The following PARM1 variants were observed in gnomAD, a reference collection of about 807,000 sequenced individuals.
PARM1 encodes prostate androgen-regulated mucin-like protein 1, also known as WSC4, cell wall integrity and stress response component 4 homolog.
In PARM1, 14 loss-of-function variants were observed where a neutral mutation model predicts 24.6. The ratio of observed to expected loss-of-function variants is 0.57; its 90% confidence interval spans 0.38 to 0.89. The LOEUF is 0.89. Ranked by LOEUF, PARM1 falls within the 40% of genes least tolerant of loss-of-function variation. The pLI is 0.00. For synonymous variants in PARM1, 179 were observed against 156.6 expected, an observed-to-expected ratio of 1.14 and a Z score of -1.07; for missense variants, 362 against 380.4, an observed-to-expected ratio of 0.95 and a Z score of 0.40.
At chr4:75,036,128 C>A (rs1723365749) in intron 3 of PARM1, among the ~76,000 whole-genome samples, 1 of 152,176 alleles carries the variant, frequency 6.6e-6, no homozygotes, top group South Asian at 2.1e-4. Context: ...ATTTTAGAAT[C>A]ACCAATGATG....
intron 2 of PARM1, among the ~76,000 whole-genome samples, chr4:75,017,179 A>G (rs551106140): frequency 1.3e-5 from 2 of 152,224 alleles, no homozygotes; most frequent in East Asian, 1.9e-4. Context: ...TGATCTCACT[A>G]TTCACTGCAC....
At chr4:74,971,295 G>C (rs1396302104) in intron 1 of PARM1, among the ~76,000 whole-genome samples, 2 of 152,122 alleles carry the variant, frequency 1.3e-5, no homozygotes, top group Admixed American at 6.6e-5. Context: ...ATGAGATCTT[G>C]TGAGATTTAT....
intron 1 of PARM1, among the ~76,000 whole-genome samples, chr4:74,950,959 C>T (rs895717600): frequency 1.3e-5 from 2 of 151,884 alleles, no homozygotes; most frequent in East Asian, 1.9e-4. Flanking sequence ...AGAAAAGGAA[C>T]GGAGGAAAGG....
At chr4:75,006,595 A>G (rs1722774079) in intron 1 of PARM1, among the ~76,000 whole-genome samples, 1 of 152,176 alleles carries the variant, frequency 6.6e-6, no homozygotes, top group Admixed American at 6.5e-5. Flanking sequence ...TAGTGCCACA[A>G]TAAATATACA....
At chr4:75,002,250 G>A (rs1560788612) in intron 1 of PARM1, among the ~76,000 whole-genome samples, 1 of 152,160 alleles carries the variant, frequency 6.6e-6, no homozygotes, top group Admixed American at 6.5e-5. Flanking sequence ...GAAGGAAGAG[G>A]TTCCAAATCA....
chr4:74,948,715 C>A (rs1319761064), intron 1 of PARM1, among the ~76,000 whole-genome samples: 1 of 152,144 alleles, frequency 6.6e-6, no homozygotes, highest in East Asian at 1.9e-4. Flanking sequence ...TACACATCAG[C>A]AAATGAAATT....
At chr4:75,035,592 T>C (rs1723354429) in intron 3 of PARM1, among the ~76,000 whole-genome samples, 1 of 152,080 alleles carries the variant, frequency 6.6e-6, no homozygotes, top group Non-Finnish European at 1.5e-5. Context: ...TCATCCCCAC[T>C]CGCCACCCAG....
At chr4:75,006,043 T>C (rs1034901786) in intron 1 of PARM1, among the ~76,000 whole-genome samples, 4 of 152,228 alleles carry the variant, frequency 2.6e-5, no homozygotes, top group African/African-American at 9.6e-5. Flanking sequence ...TGGGTTCAGT[T>C]TCTTCATCAT....
chr4:74,988,449 G>T (rs1008781576), intron 1 of PARM1, among the ~76,000 whole-genome samples: 1 of 152,190 alleles, frequency 6.6e-6, no homozygotes. Flanking sequence ...ATATGGGAGA[G>T]AAGATGATTA....
chr4:74,990,450 C>A (rs548798412), intron 1 of PARM1, among the ~76,000 whole-genome samples: 43 of 152,186 alleles, frequency 2.8e-4, no homozygotes, highest in African/African-American at 1.0e-3. Context: ...TGAGCTCCTC[C>A]AAAATACTGT....
At chr4:75,036,521 A>T (rs1053934750) in intron 3 of PARM1, among the ~76,000 whole-genome samples, 1 of 152,124 alleles carries the variant, frequency 6.6e-6, no homozygotes, top group Non-Finnish European at 1.5e-5. Context: ...CACTGCCAAC[A>T]TCATCATCAT....
intron 1 of PARM1, among the ~76,000 whole-genome samples, chr4:74,963,918 T>C (rs1721836061): frequency 6.6e-6 from 1 of 152,168 alleles, no homozygotes; most frequent in Non-Finnish European, 1.5e-5. Context: ...GCAGCAATCA[T>C]TGTAGTTAGT....
chr4:75,012,758 G>T lies in PARM1; in HGVS notation c.377G>T (p.Ser126Ile), dbSNP rs1722900684. 2 of 1,613,972 alleles carry T rather than the reference G, an allele frequency of 1.2e-6. No individual in the cohort carries two copies. The highest frequency in any genetic ancestry group is 2.2e-5 in the East Asian group (1 of 44,886). The change falls in exon 2 of 4, where the codon AGC becomes ATC. Residue 126 changes from serine to isoleucine, a missense_variant. Coordinates refer to ENST00000307428, the MANE Select transcript of PARM1 (RefSeq NM_015393.4). ...VHLTTTLEEH[S>I]SGTPEAGVAA... ...TTAACAACCACGTTGGAGGAACACA[G>T]CTCGGGCACTCCTGAAGCAGGCGTG...
intron 1 of PARM1, among the ~76,000 whole-genome samples, chr4:74,953,380 G>C (rs1371233477): frequency 1.3e-5 from 2 of 152,190 alleles, no homozygotes; most frequent in African/African-American, 4.8e-5. Context: ...AAGCTCTGAT[G>C]CTGCAAACAA....
chr4:74,935,711 T>C (rs1297941001), intron 1 of PARM1, among the ~76,000 whole-genome samples: 1 of 152,192 alleles, frequency 6.6e-6, no homozygotes, highest in Non-Finnish European at 1.5e-5. Flanking sequence ...GTTTTTTGGC[T>C]CAACAAATCC....
intron 1 of PARM1, among the ~76,000 whole-genome samples, chr4:75,008,303 A>G (rs1013504013): frequency 2.0e-5 from 3 of 152,240 alleles, no homozygotes; most frequent in African/African-American, 4.8e-5. Flanking sequence ...TAGCTATGGG[A>G]AATGAATGAC....
At chr4:74,964,553 G>GCACACACACACACACACACACA (rs35380033) in intron 1 of PARM1, among the ~76,000 whole-genome samples, 130 of 143,378 alleles carry the variant, frequency 9.1e-4, no homozygotes, top group African/African-American at 3.5e-3. Flanking sequence ...ACCTGGCAAA[G>GCACACACACACACACACACACA]CACACACACA....
At chr4:74,949,309 C>A (rs1330132167) in intron 1 of PARM1, among the ~76,000 whole-genome samples, 3 of 152,082 alleles carry the variant, frequency 2.0e-5, no homozygotes, top group Non-Finnish European at 2.9e-5. Context: ...TGAGTTATAT[C>A]TCTGTATAGG....
At chr4:74,971,688 C>T (rs1261335151) in intron 1 of PARM1, among the ~76,000 whole-genome samples, 1 of 152,156 alleles carries the variant, frequency 6.6e-6, no homozygotes. Context: ...CTCAGATCTC[C>T]TTCCTCTCTG....
Sources: gnomAD v4.1 joint callset for allele counts (sites outside exome capture counted in the v4.1 genomes callset) on GRCh38, gnomAD v4.1.1 for gene constraint, MANE v1.5 for transcripts, NCBI Gene and HGNC (gene_info 2026-07-23, HGNC 2026-07-21) for gene names.